The following SMARCA1 variants were observed in gnomAD, a reference collection of about 807,000 sequenced individuals.
SMARCA1 encodes the protein SWI/SNF-related matrix-associated actin-dependent regulator of chromatin subfamily A member 1.
Under a neutral mutation model 93.6 loss-of-function variants are expected in SMARCA1, and 17 were observed. The ratio of observed to expected loss-of-function variants is 0.18; its 90% CI spans 0.12 to 0.27. SMARCA1 has a LOEUF of 0.27. Among genes scored for constraint, SMARCA1 ranks in the 10% least tolerant of loss-of-function variants. The pLI is 1.00. For missense variants in SMARCA1, 630 were observed against 819.0 expected, an observed-to-expected ratio of 0.77 and a Z score of 2.82; for synonymous variants, 271 against 271.4, an observed-to-expected ratio of 1.00 and a Z score of 0.01.
At position 129,496,803 on chromosome X, in the gene SMARCA1, G is replaced by A. The variant is rs1934345430; in HGVS notation, c.1573C>T (p.Arg525Cys). Residue 525 changes from arginine (R) to cysteine (C), a missense_variant, in exon 12 of 25, where the codon CGT becomes TGT. Around this residue, in one of 4 missense-constraint regions of SMARCA1, gnomAD observed 382 missense variants for 537.9 expected, o/e 0.71. Coordinates refer to ENST00000371121, the MANE Select transcript of SMARCA1 (RefSeq NM_001282874.2). ...LDILEDYCMW[R>C]GYEYCRLDGQ... is the part of the protein sequence containing the mutation. ...TCCAGTCGACAATACTCATAACCACGCCACATGCAATAATCTTCCAAAATA... is the reference window on the plus strand; with the variant it reads ...TCCAGTCGACAATACTCATAACCACACCACATGCAATAATCTTCCAAAATA... 2 of 1,202,500 alleles carry A rather than the reference G, an allele frequency of 1.7e-6. No individual in the cohort carries two copies. Among genetic ancestry groups the A allele is most frequent in the Non-Finnish European group, 2.3e-6 (2 of 887,981 alleles).
rs778821029 is a variant in SMARCA1 at position 129,523,362 on chromosome X, C to G, written c.9G>C (p.Gln3His). 12 of 1,165,685 alleles carry G rather than the reference C, an allele frequency of 1.0e-5. No individual in the cohort carries two copies. The South Asian group carries it at 2.1e-4, about 21-fold the overall frequency. ME[Q>H]DTAAVAATVA... Reference sequence around the variant, plus strand: ...CGGTGGCTGCCACTGCGGCAGTGTCCTGCTCCATGCCGTGGGAGCGGGAAC... The same window carrying G: ...CGGTGGCTGCCACTGCGGCAGTGTCGTGCTCCATGCCGTGGGAGCGGGAAC... The change falls in exon 1 of 25, where the codon CAG becomes CAC. Residue 3 changes from glutamine to histidine, a missense_variant. Coordinates refer to ENST00000371121, the MANE Select transcript of SMARCA1 (RefSeq NM_001282874.2).
At chrX:129,504,851 T>C in intron 8 of SMARCA1, 49 bp from the exon 9 acceptor site, 1 of 772,495 alleles carries the variant, frequency 1.3e-6, no homozygotes, top group African/African-American at 2.0e-5. Flanking sequence ...TTTTTAAATA[T>C]ACCCGATATT....
chrX:129,448,584 T>A, intron 23 of SMARCA1, 141 bp from the exon 24 acceptor site: 1 of 526,702 alleles, frequency 1.9e-6, no homozygotes, highest in Non-Finnish European at 3.1e-6. Flanking sequence ...CACAGGGTAT[T>A]AATAGATTCC....
At chrX:129,465,291 C>T (rs971336393) in intron 23 of SMARCA1, among the ~76,000 whole-genome samples, 6 of 111,184 alleles carry the variant, frequency 5.4e-5, no homozygotes, top group East Asian at 2.8e-4. Context: ...AATATAGATA[C>T]GCATTTCAGA....
At chrX:129,489,216 A>C (rs993919782) in intron 15 of SMARCA1, 131 bp from the exon 16 acceptor site, 4 of 374,445 alleles carry the variant, frequency 1.1e-5, no homozygotes, top group African/African-American at 7.8e-5. Context: ...GTGAGCATTA[A>C]GGTTATTTGT....
At chrX:129,511,127 A>C (rs892917020) in intron 6 of SMARCA1, among the ~76,000 whole-genome samples, 1 of 111,646 alleles carries the variant, frequency 9.0e-6, no homozygotes, top group Non-Finnish European at 1.9e-5. Context: ...ATTTTTACAT[A>C]ATATATTATT....
At chrX:129,509,759 A>G (rs1322903932) in intron 6 of SMARCA1, among the ~76,000 whole-genome samples, 1 of 111,819 alleles carries the variant, frequency 8.9e-6, no homozygotes, top group Non-Finnish European at 1.9e-5. Context: ...TAGCAAAGCC[A>G]CAACTGAAAT....
At chrX:129,461,135 CTAAT>C (rs1252081470) in intron 23 of SMARCA1, among the ~76,000 whole-genome samples, 2 of 111,322 alleles carry the variant, frequency 1.8e-5, no homozygotes, top group Non-Finnish European at 3.8e-5. Context: ...ATTGTAATGA[CTAAT>C]TACTAATACT....
intron 16 of SMARCA1, among the ~76,000 whole-genome samples, 173 bp from the exon 17 acceptor site, chrX:129,487,310 A>C (rs1462672244): frequency 8.9e-6 from 1 of 112,407 alleles, no homozygotes; most frequent in Non-Finnish European, 1.9e-5. Flanking sequence ...TACTTGCCCA[A>C]GTATTTCAAA....
At chrX:129,453,016 C>G (rs911058146) in intron 23 of SMARCA1, among the ~76,000 whole-genome samples, 3 of 111,243 alleles carry the variant, frequency 2.7e-5, no homozygotes, top group Non-Finnish European at 3.8e-5. Flanking sequence ...TGTGAGGTAC[C>G]ACGAATCACA....
intron 1 of SMARCA1, among the ~76,000 whole-genome samples, chrX:129,519,406 G>A (rs931375544): frequency 8.9e-5 from 10 of 112,000 alleles, no homozygotes; most frequent in Admixed American, 3.8e-4. Flanking sequence ...AAATTTGTTC[G>A]TGAAAACTAT....
At position 129,500,123 on chromosome X, in the gene SMARCA1, T is replaced by TAAAAA. The variant is rs61313042; in HGVS notation, c.1168-287_1168-283dup. 8.6e-3 allele frequency among the ~76,000 whole-genome samples: 751 copies of TAAAAA among 87,431 alleles called. 4 individuals are homozygous for TAAAAA. Among genetic ancestry groups the TAAAAA allele is most frequent in the South Asian group, 0.019 (36 of 1,919 alleles). The allele number at this position is 87,431 out of a possible 115,157, so 75.9% of individuals were successfully genotyped here. On this transcript the variant is annotated intron_variant, in intron 9 of 24. Coordinates refer to ENST00000371121, the MANE Select transcript of SMARCA1 (RefSeq NM_001282874.2). ...TGCTGAATAAGCACCAAAGAACCCTTAAAAAAAAAAAAAAAAGAAGCTGCT... is the reference window on the plus strand; with the variant it reads ...TGCTGAATAAGCACCAAAGAACCCTTAAAAAAAAAAAAAAAAAAAAAGAAGCTGCT...
At chrX:129,491,068 A>G (rs1236399333) in intron 14 of SMARCA1, among the ~76,000 whole-genome samples, 1 of 111,799 alleles carries the variant, frequency 8.9e-6, no homozygotes, top group Non-Finnish European at 1.9e-5. Context: ...CAGGTAGTTC[A>G]ATACCATCGT....
intron 8 of SMARCA1, 85 bp from the exon 9 acceptor site, chrX:129,504,887 G>A (rs903527087): frequency 9.3e-6 from 5 of 537,906 alleles, no homozygotes; most frequent in African/African-American, 2.4e-5. Context: ...CAACCAATAC[G>A]GAAATAATGC....
intron 9 of SMARCA1, 56 bp from the exon 10 acceptor site, chrX:129,499,897 G>A (rs758354712): frequency 4.4e-5 from 25 of 562,314 alleles, no homozygotes; most frequent in Non-Finnish European, 7.2e-5. Context: ...GATTAATAAT[G>A]TATTTCATTA....
intron 5 of SMARCA1, among the ~76,000 whole-genome samples, chrX:129,514,101 G>A (rs764893624): frequency 8.9e-6 from 1 of 112,954 alleles, no homozygotes; most frequent in East Asian, 2.8e-4. Context: ...GCCAAGGCGG[G>A]AGGATCACGA....
At chrX:129,459,488 T>A (rs1282167225) in intron 23 of SMARCA1, among the ~76,000 whole-genome samples, 1 of 112,590 alleles carries the variant, frequency 8.9e-6, no homozygotes, top group African/African-American at 3.2e-5. Flanking sequence ...ATACCTTAAA[T>A]GAACTCCTGT....
chrX:129,519,908 A>G (rs904711514), intron 1 of SMARCA1, among the ~76,000 whole-genome samples: 1 of 111,892 alleles, frequency 8.9e-6, no homozygotes, highest in African/African-American at 3.2e-5. Flanking sequence ...ACGCACAAAT[A>G]TATATAATAA....
chrX:129,497,200 C>A (rs1934372169), intron 11 of SMARCA1, among the ~76,000 whole-genome samples: 1 of 110,913 alleles, frequency 9.0e-6, no homozygotes, highest in African/African-American at 3.3e-5. Flanking sequence ...GCAATAGTCT[C>A]CCAACTAGTC....
Sources: allele counts gnomAD v4.1 joint callset (sites outside exome capture counted in the v4.1 genomes callset), GRCh38; gene constraint gnomAD v4.1.1; regional missense constraint gnomAD v4.1.1; transcripts MANE v1.5; gene names NCBI Gene and HGNC (gene_info 2026-07-23, HGNC 2026-07-21).